Variants in PABPN1 observed in about 807,000 individuals in gnomAD.
The protein encoded by PABPN1 is poly(A) binding protein nuclear 1.
PABPN1 carries 5 observed loss-of-function variants against 33.4 expected under a neutral mutation model. That is an observed-to-expected ratio of 0.15 (90% CI 0.08 to 0.32). PABPN1 has a LOEUF of 0.32. Ranked by LOEUF, PABPN1 falls within the 10% of genes least tolerant of loss-of-function variation. The probability of loss-of-function intolerance (pLI) is 1.00; values close to 1 mark genes in which losing one functional copy is unlikely to be tolerated. For synonymous variants in PABPN1, 176 were observed against 170.6 expected, an observed-to-expected ratio of 1.03 and a Z score of -0.25; for missense variants, 312 against 425.8, an observed-to-expected ratio of 0.73 and a Z score of 2.35.
chr14:23,325,194 T>C (rs575039092), intron 6 of PABPN1, 53 bp from the exon 7 acceptor site: 23 of 1,612,764 alleles, frequency 1.4e-5, no homozygotes, highest in Middle Eastern at 1.7e-4. Flanking sequence ...GAGGGGCTTG[T>C]ACTGAACTAT....
rs147784654 is a variant in PABPN1 at position 23,323,139 on chromosome 14, G to T, written c.534+73G>T. 1,458 of 1,597,288 alleles carry T rather than the reference G, an allele frequency of 9.1e-4. 10 individuals carry two copies. The African/African-American group carries it at 0.018, about 20-fold the overall frequency. Reference sequence around the variant, plus strand: ...GGGAATTATTTAATAGTCCTGAAAGGAACATCTCCGGGATAGATGTGGTTT... The same window carrying T: ...GGGAATTATTTAATAGTCCTGAAAGTAACATCTCCGGGATAGATGTGGTTT... On this transcript the variant is annotated intron_variant, in intron 3 of 6. Coordinates refer to ENST00000216727, the MANE Select transcript of PABPN1 (RefSeq NM_004643.4).
At chr14:23,322,461 A>G in intron 2 of PABPN1, 166 bp downstream of exon 2, 1 of 682,264 alleles carries the variant, frequency 1.5e-6, no homozygotes, top group Non-Finnish European at 2.7e-6. Context: ...GACCTTTGTG[A>G]GGCAGAACGT....
Position 23,325,406 on chromosome 14 carries a change from A to C in PABPN1, c.*120A>C. ...CTTGATGGAAAAAAAATATTTTTTAAAAAAAAGATATACTGTGGAAGGGGG... is the reference window on the plus strand; with the variant it reads ...CTTGATGGAAAAAAAATATTTTTTACAAAAAAGATATACTGTGGAAGGGGG... On this transcript the variant is annotated 3_prime_UTR_variant, in exon 7 of 7. Transcript: ENST00000216727. 1.6e-6 allele frequency: 2 copies of C among 1,290,202 alleles called. No homozygotes were observed. The highest frequency in any genetic ancestry group is 2.1e-6 in the Non-Finnish European group (2 of 949,644). The allele number at this position is 1,290,202 out of a possible 1,614,324, so 79.9% of individuals were successfully genotyped here. A position where few individuals can be genotyped will look rare whatever the true frequency, so the allele number is the denominator to read the frequency against.
chr14:23,322,810 T>C lies in PABPN1; in HGVS notation c.467-189T>C, dbSNP rs8020117. ...GTGTGTATTAATTCTTTCAATTTAT[T>C]GAATATTTAGTGAGTACCTGCTATG... On this transcript the variant is annotated intron_variant, in intron 2 of 6. Transcript: ENST00000216727. 604,104 of 655,484 alleles carry C rather than the reference T, an allele frequency of 0.92. 279,328 individuals are homozygous for C. Among genetic ancestry groups the C allele is most frequent in the East Asian group, 0.97 (35,820 of 37,110 alleles). The allele number at this position is 655,484 out of a possible 1,614,324, so 40.6% of individuals were successfully genotyped here.
At chr14:23,322,358 TG>T in intron 2 of PABPN1, 63 bp downstream of exon 2, 1 of 1,405,194 alleles carries the variant, frequency 7.1e-7, no homozygotes, top group Non-Finnish European at 9.9e-7. Flanking sequence ...GTGGGGAGGA[TG>T]GGGAATGTGG....
At chr14:23,324,511 TC>T in intron 6 of PABPN1, 1 of 603,984 alleles carries the variant, frequency 1.7e-6, no homozygotes, top group Non-Finnish European at 2.9e-6. Context: ...GCTGCATCCC[TC>T]CCTTGGTTCA....
Position 23,323,255 on chromosome 14 carries a change from A to G in PABPN1, c.535-122A>G, listed in dbSNP as rs182822835. ...CTGGGTTTGGAAGGAAAAGAGATTA[A>G]TTCCTCAAATTACCAGATTTCATGT... On this transcript the variant is annotated intron_variant, in intron 3 of 6. Transcript: ENST00000216727. The G allele has an allele frequency of 1.2e-3, 1,581 of 1,286,842 alleles. 1 individual carries two copies. The highest frequency in any genetic ancestry group is 1.7e-3 in the Non-Finnish European group (1,487 of 898,700). 79.7% of individuals were successfully genotyped at this position (1,286,842 alleles called of 1,614,324 possible). A position where few individuals can be genotyped will look rare whatever the true frequency, so the allele number is the denominator to read the frequency against.
chr14:23,323,148 C>G (rs1243880303), intron 3 of PABPN1, 82 bp downstream of exon 3: 2 of 1,581,742 alleles, frequency 1.3e-6, no homozygotes, highest in African/African-American at 2.7e-5. Context: ...GGAACATCTC[C>G]GGGATAGATG....
At chr14:23,322,488 A>G in intron 2 of PABPN1, 193 bp downstream of exon 2, 1 of 630,264 alleles carries the variant, frequency 1.6e-6, no homozygotes, top group East Asian at 2.8e-5. Flanking sequence ...TGGTGGTGGT[A>G]GCCTTGTGCC....
intron 6 of PABPN1, chr14:23,324,613 G>A (rs1888597842): frequency 3.7e-6 from 2 of 535,876 alleles, no homozygotes; most frequent in East Asian, 3.3e-5. Flanking sequence ...AGGGCCTCCA[G>A]GCAGTGAAAG....
At chr14:23,323,149 G>C in intron 3 of PABPN1, 83 bp downstream of exon 3, 6 of 1,581,244 alleles carry the variant, frequency 3.8e-6, no homozygotes, top group South Asian at 1.1e-5. Context: ...GAACATCTCC[G>C]GGATAGATGT....
chr14:23,323,293 G>A (rs1014226955), intron 3 of PABPN1, 84 bp from the exon 4 acceptor site: 2 of 1,437,448 alleles, frequency 1.4e-6, no homozygotes, highest in Non-Finnish European at 2.0e-6. Flanking sequence ...TTTGGTGTAT[G>A]ATGGCCCAGA....
intron 6 of PABPN1, 22 bp downstream of exon 6, chr14:23,324,311 C>T (rs751508750): frequency 6.2e-6 from 10 of 1,608,898 alleles, no homozygotes; most frequent in Non-Finnish European, 8.5e-6. Context: ...TGGGCTGCTC[C>T]TCTTTCCCCC....
intron 2 of PABPN1, chr14:23,322,750 AT>A (rs1215667289): frequency 1.8e-6 from 1 of 544,684 alleles, no homozygotes; most frequent in African/African-American, 1.9e-5. Context: ...TAGGGATTTG[AT>A]TTGGAGGCAG....
rs1356131732 is a variant in PABPN1 at position 23,321,803 on chromosome 14, G to A, written c.334G>A (p.Gly112Ser). ...PGLVEGDPGD[G>S]AIEDPELEAI... ...ACTGGTCGAGGGTGACCCGGGGGAC[G>A]GCGCCATTGAGGACCCGGTGAGGGA... The change falls in exon 1 of 7, where the codon GGC becomes AGC. Residue 112 changes from glycine to serine, a missense_variant. By Grantham distance (56) the Gly-to-Ser change is moderately conservative (BLOSUM62 0). Around this residue, in one of 3 missense-constraint regions of PABPN1, gnomAD observed 167 missense variants for 168.9 expected, o/e 0.99. Transcript: ENST00000216727. The A allele has an allele frequency of 6.7e-7, 1 of 1,493,884 alleles. No homozygotes were observed. Among genetic ancestry groups the A allele is most frequent in the African/African-American group, 1.4e-5 (1 of 70,504 alleles). The allele number at this position is 1,493,884 out of a possible 1,614,324, so 92.5% of individuals were successfully genotyped here.
In PABPN1 at chr14:23,325,299, T is replaced by A; in HGVS notation, c.*13T>A. ...TTCCCCTTACTAAAAAAAGTGTGTA[T>A]TAGGAGGAGAGAGAGGAAAAAAAGA... On this transcript the variant is annotated 3_prime_UTR_variant, in exon 7 of 7. Coordinates refer to ENST00000216727, the MANE Select transcript of PABPN1 (RefSeq NM_004643.4). 6.3e-7 allele frequency: 1 copy of A among 1,596,126 alleles called. No homozygotes were observed. The highest frequency in any genetic ancestry group is 8.5e-7 in the Non-Finnish European group (1 of 1,176,144).
intron 6 of PABPN1, chr14:23,324,496 T>TAA (rs1446402642): frequency 1.5e-6 from 1 of 652,754 alleles, no homozygotes; most frequent in African/African-American, 1.8e-5. Flanking sequence ...AAATTGGTGA[T>TAA]AAGGGCTGCA....
rs758412593 is a variant in PABPN1 at position 23,323,949 on chromosome 14, T to C, written c.642-16T>C. On this transcript the variant is annotated splice_polypyrimidine_tract_variant and intron_variant, in intron 4 of 6. Coordinates refer to ENST00000216727, the MANE Select transcript of PABPN1 (RefSeq NM_004643.4). ...TATTTGTAACCTCAGAGAGATACAA[T>C]GACAATTCTTTTCAGGTTTGCGTAT... 1.2e-5 allele frequency: 20 copies of C among 1,613,778 alleles called. No individual in the cohort carries two copies. Among genetic ancestry groups the C allele is most frequent in the Admixed American group, 5.0e-5 (3 of 59,994 alleles).
intron 1 of PABPN1, 153 bp downstream of exon 1, chr14:23,321,973 C>T (rs979133125): frequency 1.2e-4 from 94 of 766,656 alleles, no homozygotes; most frequent in Non-Finnish European, 1.9e-4. Flanking sequence ...GGTCAGCGAT[C>T]ACTACAAGGG....
Sources: gnomAD v4.1 joint callset for allele counts on GRCh38, gnomAD v4.1.1 for gene constraint, gnomAD v4.1.1 regional missense constraint, MANE v1.5 for transcripts, NCBI Gene and HGNC (gene_info 2026-07-23, HGNC 2026-07-21) for gene names.